Variants in NPIPB2 observed in about 807,000 individuals in gnomAD.
The protein encoded by NPIPB2 is nuclear pore complex interacting protein family member B2.
NPIPB2 carries 27 observed loss-of-function variants against 30.8 expected under a neutral mutation model. That is an observed-to-expected ratio of 0.88 (90% CI 0.65 to 1.21). The LOEUF (loss-of-function observed/expected upper bound fraction) is 1.21, where lower values mean the gene tolerates loss of function less well. NPIPB2 is among the 50% of genes most tolerant of loss of function. NPIPB2 has a pLI of 0.00. For synonymous variants in NPIPB2, 147 were observed against 162.0 expected, an observed-to-expected ratio of 0.91 and a Z score of 0.70; for missense variants, 440 against 446.2, an observed-to-expected ratio of 0.99 and a Z score of 0.13.
At chr16:11,947,497 G>A (rs2055023643) in intron 1 of NPIPB2, among the ~76,000 whole-genome samples, 1 of 151,486 alleles carries the variant, frequency 6.6e-6, no homozygotes, top group East Asian at 1.9e-4. Context: ...GGCGCACGAT[G>A]CCACGCCCCG....
chr16:11,931,793 A>C (rs547280249), intron 4 of NPIPB2, among the ~76,000 whole-genome samples: 6 of 151,386 alleles, frequency 4.0e-5, no homozygotes, highest in Admixed American at 4.0e-4. Flanking sequence ...TATAAAACCC[A>C]TGATTGAATA....
chr16:11,962,611 C>CA (rs765156261), intron 1 of NPIPB2, among the ~76,000 whole-genome samples: 1,054 of 33,770 alleles, frequency 0.031, 24 homozygotes, highest in East Asian at 0.083. Flanking sequence ...GATTCTGTCT[C>CA]AAAAAAAAAA....
intron 1 of NPIPB2, among the ~76,000 whole-genome samples, chr16:11,938,849 A>G (rs2054902129): frequency 6.6e-6 from 1 of 151,882 alleles, no homozygotes; most frequent in African/African-American, 2.4e-5. Context: ...CCCGGGTTCA[A>G]GCGATTCTCC....
At chr16:11,947,711 AT>A (rs1208330658) in intron 1 of NPIPB2, among the ~76,000 whole-genome samples, 1 of 151,878 alleles carries the variant, frequency 6.6e-6, no homozygotes. Flanking sequence ...AGTAAATATA[AT>A]TTTTTAAAAA....
At chr16:11,941,385 G>T in intron 1 of NPIPB2, 1 of 327,836 alleles carries the variant, frequency 3.1e-6, no homozygotes, top group South Asian at 2.9e-5. Context: ...GGAGAGGAAG[G>T]GGGGAAGTAA....
intron 1 of NPIPB2, among the ~76,000 whole-genome samples, chr16:11,973,223 A>G (rs2055246904): frequency 6.6e-6 from 1 of 151,178 alleles, no homozygotes; most frequent in Non-Finnish European, 1.5e-5. Flanking sequence ...GGAGGAGTCT[A>G]TCGTGAGGCA....
intron 1 of NPIPB2, chr16:11,976,560 G>A: frequency 2.8e-6 from 1 of 359,586 alleles, no homozygotes; most frequent in East Asian, 4.1e-5. Context: ...GCGGGGTCTC[G>A]GGTTTACCCT....
chr16:11,952,129 GGC>G (rs1189325719), intron 1 of NPIPB2, among the ~76,000 whole-genome samples: 22 of 146,722 alleles, frequency 1.5e-4, no homozygotes, highest in African/African-American at 5.6e-4. Context: ...CTCCAGCCTG[GGC>G]GACAGAGTGA....
intron 1 of NPIPB2, among the ~76,000 whole-genome samples, chr16:11,960,811 T>C (rs2055147747): frequency 6.6e-6 from 1 of 152,062 alleles, no homozygotes; most frequent in African/African-American, 2.4e-5. Context: ...CTCCACTCCC[T>C]AACTCAGGCT....
intron 1 of NPIPB2, among the ~76,000 whole-genome samples, chr16:11,954,172 G>A (rs865813161): frequency 6.6e-6 from 1 of 151,782 alleles, no homozygotes; most frequent in Non-Finnish European, 1.5e-5. Flanking sequence ...ATTCCTAAAC[G>A]TGGAATTGCT....
At chr16:11,941,918 A>T in intron 1 of NPIPB2, 65 bp downstream of exon 1, 1 of 1,014,266 alleles carries the variant, frequency 9.9e-7, no homozygotes, top group Non-Finnish European at 1.5e-6. Context: ...GGGTTCCTCA[A>T]GGTCACTTTT....
chr16:11,936,960 C>T (rs1189079521), intron 2 of NPIPB2, among the ~76,000 whole-genome samples: 1 of 151,854 alleles, frequency 6.6e-6, no homozygotes, highest in Non-Finnish European at 1.5e-5. Flanking sequence ...TCCTTGGGCT[C>T]TTTCATTTCC....
At chr16:11,973,389 T>C (rs2055247777) in intron 1 of NPIPB2, among the ~76,000 whole-genome samples, 1 of 152,102 alleles carries the variant, frequency 6.6e-6, no homozygotes, top group African/African-American at 2.4e-5. Context: ...GATTTGGTTC[T>C]TTCCACTGTG....
At chr16:11,947,407 C>T (rs1567472033) in intron 1 of NPIPB2, among the ~76,000 whole-genome samples, 3 of 150,266 alleles carry the variant, frequency 2.0e-5, no homozygotes, top group Non-Finnish European at 4.4e-5. Context: ...TGCAGTGGCG[C>T]GATCTCGGCT....
chr16:11,932,985 C>G (rs1365543001), intron 4 of NPIPB2, among the ~76,000 whole-genome samples: 1 of 149,024 alleles, frequency 6.7e-6, no homozygotes. Context: ...AAAAGGCTGG[C>G]TGTGGTGGCT....
At chr16:11,945,520 C>CA (rs1416214865), upstream of NPIPB2, among the ~76,000 whole-genome samples, 7 of 150,910 alleles carry the variant, frequency 4.6e-5, no homozygotes, top group East Asian at 2.0e-4. Context: ...ACTAAAAATA[C>CA]AAAAAAAATT....
chr16:11,962,464 T>C (rs1289641553), intron 1 of NPIPB2, among the ~76,000 whole-genome samples: 1 of 151,184 alleles, frequency 6.6e-6, no homozygotes, highest in Non-Finnish European at 1.5e-5. Context: ...AAAACAAAAT[T>C]AGCCAGACAT....
At chr16:11,944,014 A>AAAAAAAAC (rs1219685604), upstream of NPIPB2, among the ~76,000 whole-genome samples, 2 of 149,922 alleles carry the variant, frequency 1.3e-5, no homozygotes, top group African/African-American at 4.9e-5. Context: ...AAAAAAAAAA[A>AAAAAAAAC]AGAGGCAAAA....
chr16:11,934,029 A>C, intron 2 of NPIPB2, 105 bp from the exon 3 acceptor site: 1 of 775,252 alleles, frequency 1.3e-6, no homozygotes. Flanking sequence ...TCAGGAGTTC[A>C]AGACCAGCCT....
Sources: gnomAD v4.1 joint callset for allele counts (sites outside exome capture counted in the v4.1 genomes callset) on GRCh38, gnomAD v4.1.1 for gene constraint, MANE v1.5 for transcripts, NCBI Gene and HGNC (gene_info 2026-07-23, HGNC 2026-07-21) for gene names.